Variants in TIAM2 observed in about 807,000 individuals in gnomAD.
TIAM2 encodes TIAM Rac1 associated GEF 2.
Under a neutral mutation model 152.9 loss-of-function variants are expected in TIAM2, and 80 were observed. That is an observed-to-expected ratio of 0.52 (90% CI 0.44 to 0.63). The LOEUF (loss-of-function observed/expected upper bound fraction) is 0.63. Among genes scored for constraint, TIAM2 ranks in the 30% least tolerant of loss-of-function variants. The pLI, the probability that TIAM2 is intolerant of heterozygous loss-of-function variation, is 0.00. For synonymous variants in TIAM2, 804 were observed against 838.0 expected (o/e 0.96, Z 0.70); for missense variants, 1,965 against 2,120.1 (o/e 0.93, Z 1.44).
At chr6:155,194,826 G>A (rs1781298483) in intron 14 of TIAM2, among the ~76,000 whole-genome samples, 1 of 152,164 alleles carries the variant, frequency 6.6e-6, no homozygotes, top group Admixed American at 6.5e-5. Context: ...TGTGTCATGG[G>A]AGGGACCAGG....
rs571415228 is a variant in TIAM2 at position 155,070,409 on chromosome 6, G to T, written c.-208-19880G>T. ...TTTTTGTATTTTTAGTAGAGATGGG[G>T]TTTCACCATGTTGGCCAGGCTGGTC... On this transcript the variant is annotated intron_variant, in intron 1 of 26. Transcript: ENST00000682666. Among the ~76,000 whole-genome samples the T allele has an allele frequency of 6.6e-5, 10 of 151,208 alleles. 1 individual carries two copies. The highest frequency in any genetic ancestry group is 1.0e-4 in the Non-Finnish European group (7 of 67,874).
intron 26 of TIAM2, chr6:155,254,786 C>A (rs1396153927): frequency 3.6e-6 from 2 of 550,768 alleles, no homozygotes; most frequent in Non-Finnish European, 6.4e-6. Flanking sequence ...TCTTCCTACC[C>A]GCTGACATAG....
At chr6:155,009,594 C>T (rs924294361) in intron 1 of TIAM2, among the ~76,000 whole-genome samples, 3 of 152,092 alleles carry the variant, frequency 2.0e-5, no homozygotes, top group Admixed American at 6.5e-5. Flanking sequence ...TTTGTATATA[C>T]CTCTTGGTCC....
chr6:155,091,461 T>G (rs886664106), intron 2 of TIAM2, among the ~76,000 whole-genome samples: 2 of 152,194 alleles, frequency 1.3e-5, no homozygotes, highest in Non-Finnish European at 2.9e-5. Flanking sequence ...TGTAAATTGC[T>G]CAATGTCACA....
At chr6:155,178,165 TAAAAAAAAA>T (rs557378875) in intron 10 of TIAM2, among the ~76,000 whole-genome samples, 31 of 83,286 alleles carry the variant, frequency 3.7e-4, no homozygotes, top group African/African-American at 1.3e-3. Context: ...CGTCTCAAAT[TAAAAAAAAA>T]AAAAAAAAAA....
At chr6:155,037,008 T>C (rs78288271) in intron 1 of TIAM2, among the ~76,000 whole-genome samples, 4,392 of 152,290 alleles carry the variant, frequency 0.029, 218 homozygotes, top group African/African-American at 0.099. Context: ...CGGCTCTCTA[T>C]AACTTTTTCA....
intron 15 of TIAM2, chr6:155,216,644 C>G (rs564052038): frequency 6.3e-6 from 1 of 158,724 alleles, no homozygotes; most frequent in East Asian, 1.9e-4. Flanking sequence ...TATACAATGT[C>G]CCTTTGGGTG....
chr6:155,017,363 G>A (rs1470793558), intron 1 of TIAM2, among the ~76,000 whole-genome samples: 2 of 152,116 alleles, frequency 1.3e-5, no homozygotes, highest in Non-Finnish European at 2.9e-5. Flanking sequence ...CCTGTGAAAG[G>A]GGCTGGGGAG....
At chr6:155,003,467 G>A (rs1425905312) in intron 1 of TIAM2, among the ~76,000 whole-genome samples, 2 of 152,066 alleles carry the variant, frequency 1.3e-5, no homozygotes, top group Middle Eastern at 6.3e-3. Flanking sequence ...GCAACAGAGT[G>A]AGACTCTGTC....
rs1449831043 is a variant in TIAM2, at chr6:155,174,607, G to T, written c.2362-2209G>T. Reference sequence around the variant, plus strand: ...TGGTCTTGAACTCATGACCTTAGGTGATCCACTGGCCTCGGCCTCCCAAAG... The same window carrying T: ...TGGTCTTGAACTCATGACCTTAGGTTATCCACTGGCCTCGGCCTCCCAAAG... On this transcript the variant is annotated intron_variant, in intron 9 of 26. Coordinates refer to ENST00000682666, the MANE Select transcript of TIAM2 (RefSeq NM_012454.4). The surrounding 1 kb of genome is among the most constrained non-coding windows in gnomAD (Gnocchi z 4.2). Among the ~76,000 whole-genome samples, 2 of 152,212 alleles carry T rather than the reference G, an allele frequency of 1.3e-5. No individual in the cohort carries two copies. The highest frequency in any genetic ancestry group is 4.8e-5 in the African/African-American group (2 of 41,460).
rs77445220 is a variant in TIAM2 at position 155,075,362 on chromosome 6, A to C, written c.-208-14927A>C. Among the ~76,000 whole-genome samples, 17 of 151,488 alleles carry C rather than the reference A, an allele frequency of 1.1e-4. No individual in the cohort carries two copies. In the South Asian group the frequency reaches 1.9e-3, roughly 17 times the overall value. On this transcript the variant is annotated intron_variant, in intron 1 of 26. Transcript: ENST00000682666. ...TTACTTGGGAATGAAAAAAAAAAAA[A>C]CCCAACAACCAACTCTTCAAGACAG...
chr6:155,128,663 C>A (rs1779355950), intron 3 of TIAM2, among the ~76,000 whole-genome samples: 1 of 151,020 alleles, frequency 6.6e-6, no homozygotes, highest in Admixed American at 6.6e-5. Flanking sequence ...AGTTCAAGAC[C>A]AGCCTGGAGC....
chr6:155,047,650 GGAGA>G (rs1162039447), intron 1 of TIAM2, among the ~76,000 whole-genome samples: 8 of 143,900 alleles, frequency 5.6e-5, no homozygotes, highest in South Asian at 4.5e-4. Flanking sequence ...AGGGGTGGGG[GGAGA>G]GAGAGAGAGA....
intron 20 of TIAM2, among the ~76,000 whole-genome samples, chr6:155,249,002 A>G (rs1386616250): frequency 2.6e-5 from 4 of 152,228 alleles, no homozygotes; most frequent in African/African-American, 9.6e-5. Context: ...TTTGTATGAC[A>G]GTTAACTTCT....
chr6:155,037,129 T>C (rs1776937738), intron 1 of TIAM2, among the ~76,000 whole-genome samples: 1 of 152,224 alleles, frequency 6.6e-6, no homozygotes, highest in Non-Finnish European at 1.5e-5. Context: ...TCTTTGGCGT[T>C]AGCTCTGATT....
At chr6:155,226,866 G>T (rs1056993846) in intron 15 of TIAM2, among the ~76,000 whole-genome samples, 5 of 152,206 alleles carry the variant, frequency 3.3e-5, no homozygotes, top group Non-Finnish European at 5.9e-5. Context: ...TTCTGGAGAA[G>T]AATAATCCAG....
Position 155,257,642 on chromosome 6 carries a change from T to C in TIAM2, c.*521T>C. On this transcript the variant is annotated 3_prime_UTR_variant, in exon 27 of 27. Transcript: ENST00000682666. ...TCATAACTATCTATACAGTATATAT[T>C]AAAAGAAAGCTTGTACTGTATCTTA... 1 of 617,454 alleles carries C rather than the reference T, an allele frequency of 1.6e-6. No individual in the cohort carries two copies. Among genetic ancestry groups the C allele is most frequent in the South Asian group, 2.0e-5 (1 of 50,124 alleles). The allele number at this position is 617,454 out of a possible 1,614,324, so 38.2% of individuals were successfully genotyped here.
chr6:155,157,785 G>A (rs1780162803), intron 7 of TIAM2, among the ~76,000 whole-genome samples: 1 of 152,174 alleles, frequency 6.6e-6, no homozygotes, highest in South Asian at 2.1e-4. Flanking sequence ...ATCAGATGGT[G>A]CTTTGCTTGC....
At chr6:155,114,050 CT>C (rs1275422426) in intron 2 of TIAM2, among the ~76,000 whole-genome samples, 22 of 58,240 alleles carry the variant, frequency 3.8e-4, no homozygotes, top group Non-Finnish European at 4.3e-4. Context: ...TTTTTTTTTT[CT>C]TTTTTTTTTT....
Sources: allele counts gnomAD v4.1 joint callset (sites outside exome capture counted in the v4.1 genomes callset), GRCh38; gene constraint gnomAD v4.1.1; non-coding constraint Gnocchi (gnomAD v3.1); transcripts MANE v1.5; gene names NCBI Gene and HGNC (gene_info 2026-07-23, HGNC 2026-07-21).